ELMO1: variants seen among roughly 807,000 people sequenced by gnomAD.
ELMO1 encodes the protein engulfment and cell motility protein 1.
In ELMO1, 26 loss-of-function variants were observed where a neutral mutation model predicts 98.9. That is an observed-to-expected ratio of 0.26 (90% CI 0.19 to 0.36). The LOEUF (loss-of-function observed/expected upper bound fraction) is 0.36, where lower values mean the gene tolerates loss of function less well. ELMO1 is among the 10% of genes least tolerant of loss of function. The pLI is 1.00. For missense variants in ELMO1, 627 were observed against 935.2 expected, an observed-to-expected ratio of 0.67 and a Z score of 4.30; for synonymous variants, 346 against 346.0, an observed-to-expected ratio of 1.00 and a Z score of 0.00.
At chr7:37,321,900 C>T (rs907757894) in intron 2 of ELMO1, among the ~76,000 whole-genome samples, 1 of 149,064 alleles carries the variant, frequency 6.7e-6, no homozygotes. Flanking sequence ...CGTTGTCGCC[C>T]AGGTTGGTGT....
intron 16 of ELMO1, among the ~76,000 whole-genome samples, chr7:36,999,546 T>C (rs1792487155): frequency 6.6e-6 from 1 of 152,214 alleles, no homozygotes; most frequent in African/African-American, 2.4e-5. Context: ...TAGACTTTAC[T>C]ACAACTTATT....
chr7:37,089,776 C>T (rs1404560377), intron 15 of ELMO1, among the ~76,000 whole-genome samples: 1 of 152,118 alleles, frequency 6.6e-6, no homozygotes, highest in African/African-American at 2.4e-5. Context: ...TGTAAAGAGA[C>T]AGAATTAAGG....
At chr7:37,295,850 T>A (rs751887517) in intron 4 of ELMO1, among the ~76,000 whole-genome samples, 55 of 152,246 alleles carry the variant, frequency 3.6e-4, no homozygotes, top group Non-Finnish European at 6.8e-4. Flanking sequence ...TTTATTAACA[T>A]AAAAACTCAA....
chr7:37,222,493 G>C lies in ELMO1; in HGVS notation c.780+122C>G, dbSNP rs374860268. The C allele has an allele frequency of 1.8e-3, 1,697 of 957,816 alleles. 31 individuals are homozygous for C. The South Asian group carries it at 0.025, about 14-fold the overall frequency. The allele number at this position is 957,816 out of a possible 1,614,324, so 59.3% of individuals were successfully genotyped here. A position where few individuals can be genotyped will look rare whatever the true frequency, so the allele number is the denominator to read the frequency against. ...CAGCGGAACATAGCTGCTCTGGAGA[G>C]TCCATCTGTGGCCAGGATAGCAGAG... On this transcript the variant is annotated intron_variant, in intron 10 of 21. Coordinates refer to ENST00000310758, the MANE Select transcript of ELMO1 (RefSeq NM_014800.11).
chr7:36,924,153 A>G (rs968389335), intron 16 of ELMO1, among the ~76,000 whole-genome samples: 5 of 152,178 alleles, frequency 3.3e-5, no homozygotes, highest in Non-Finnish European at 7.3e-5. Flanking sequence ...CCAAAGTCTA[A>G]ATTTAGAACT....
chr7:37,414,361 A>T (rs1318572815), intron 1 of ELMO1, among the ~76,000 whole-genome samples: 2 of 152,190 alleles, frequency 1.3e-5, no homozygotes, highest in Non-Finnish European at 2.9e-5. Flanking sequence ...GAGGGGGAAA[A>T]CCCCTGTACA....
intron 13 of ELMO1, among the ~76,000 whole-genome samples, chr7:37,178,237 G>A (rs546711759): frequency 3.7e-4 from 57 of 152,170 alleles, no homozygotes; most frequent in South Asian, 1.5e-3. Flanking sequence ...TCAAAGGCAT[G>A]TCTTACACTA....
chr7:37,167,467 C>T (rs6955062), intron 13 of ELMO1, among the ~76,000 whole-genome samples: 129,434 of 143,540 alleles, frequency 0.9, 58,665 homozygotes, highest in Non-Finnish European at 0.97. Flanking sequence ...GATTTTGCAG[C>T]GGCTGGTACC....
chr7:36,894,923 T>C lies in ELMO1; in HGVS notation c.1532A>G (p.Tyr511Cys), dbSNP rs1805871999. ...CTGGCGGATTTTCAGGATCTCAGTG[T>C]AGCTCAGGTTCTGCAGTTTGCTCTT... ...QFKSKLQNLSYTEILKIRQSE... is the reference protein window; with the variant it reads ...QFKSKLQNLSCTEILKIRQSE... Residue 511 changes from tyrosine (Y) to cysteine (C), a missense_variant, in exon 17 of 22, where the codon TAC becomes TGC. By Grantham distance (194) the Tyr-to-Cys change is radical (BLOSUM62 -2). Transcript: ENST00000310758. 1 of 1,614,030 alleles carries C rather than the reference T, an allele frequency of 6.2e-7. No individual in the cohort carries two copies. The highest frequency in any genetic ancestry group is 1.3e-5 in the African/African-American group (1 of 74,924).
intron 6 of ELMO1, among the ~76,000 whole-genome samples, chr7:37,256,252 T>C (rs1795634755): frequency 6.6e-6 from 1 of 152,124 alleles, no homozygotes; most frequent in Non-Finnish European, 1.5e-5. Context: ...AGCAGAGGTT[T>C]CGTCATCCTT....
At chr7:37,442,290 A>G (rs958889484) in intron 1 of ELMO1, among the ~76,000 whole-genome samples, 16 of 152,236 alleles carry the variant, frequency 1.1e-4, no homozygotes, top group African/African-American at 3.9e-4. Context: ...AAAGAACCGT[A>G]CAAGTAGCCT....
At chr7:37,247,435 C>T (rs947078737) in intron 6 of ELMO1, among the ~76,000 whole-genome samples, 1 of 152,112 alleles carries the variant, frequency 6.6e-6, no homozygotes, top group Non-Finnish European at 1.5e-5. Context: ...GACTTGCAGA[C>T]AATTCGATTC....
At chr7:36,906,227 C>G (rs183203779) in intron 16 of ELMO1, among the ~76,000 whole-genome samples, 52 of 152,320 alleles carry the variant, frequency 3.4e-4, no homozygotes, top group Non-Finnish European at 2.6e-4. Context: ...ACAGACAGAC[C>G]AGGCAGTGGA....
At chr7:37,439,437 C>G (rs1033595283) in intron 1 of ELMO1, among the ~76,000 whole-genome samples, 2 of 152,166 alleles carry the variant, frequency 1.3e-5, no homozygotes, top group African/African-American at 4.8e-5. Flanking sequence ...GTAAACATAC[C>G]TTTAGCATAC....
In ELMO1 at chr7:37,115,798, CTGTCTT is replaced by C; in HGVS notation, c.1191+17326_1191+17331del. Among the ~76,000 whole-genome samples, 4 of 150,642 alleles carry C rather than the reference CTGTCTT, an allele frequency of 2.7e-5. No individual in the cohort carries two copies. The South Asian group carries it at 8.4e-4, about 32-fold the overall frequency. On this transcript the variant is annotated intron_variant, in intron 14 of 21. Transcript: ENST00000310758. ...ACAGACTGGGAAGGAGGAAACAAAA[CTGTCTT>C]TGTTCACAGGGGACATGATTGTCTA...
intron 14 of ELMO1, among the ~76,000 whole-genome samples, chr7:37,122,942 A>G (rs187637520): frequency 3.8e-3 from 577 of 152,312 alleles, no homozygotes; most frequent in Middle Eastern, 6.8e-3. Context: ...TGTCTCTCAG[A>G]CCACAGTGCA....
chr7:37,397,475 T>A (rs1474530334), intron 1 of ELMO1, among the ~76,000 whole-genome samples: 1 of 152,138 alleles, frequency 6.6e-6, no homozygotes, highest in Non-Finnish European at 1.5e-5. Flanking sequence ...ACAAAAGGCG[T>A]TATGGACAGC....
chr7:37,199,657 C>T (rs565618162), intron 13 of ELMO1, among the ~76,000 whole-genome samples: 17 of 152,140 alleles, frequency 1.1e-4, no homozygotes, highest in Non-Finnish European at 2.1e-4. Flanking sequence ...ATGGTGGCAA[C>T]AGCACATGCC....
At chr7:37,223,152 T>C (rs1475037544) in intron 9 of ELMO1, among the ~76,000 whole-genome samples, 1 of 152,196 alleles carries the variant, frequency 6.6e-6, no homozygotes, top group African/African-American at 2.4e-5. Flanking sequence ...ATTCTAAAAA[T>C]CTATTTCCAA....
Sources: allele counts gnomAD v4.1 joint callset (sites outside exome capture counted in the v4.1 genomes callset), GRCh38; gene constraint gnomAD v4.1.1; transcripts MANE v1.5; gene names NCBI Gene and HGNC (gene_info 2026-07-23, HGNC 2026-07-21).